Variants in RHOBTB3 observed in about 807,000 individuals in gnomAD.
RHOBTB3 encodes the protein Rho related BTB domain containing 3.
In RHOBTB3, 47 loss-of-function variants were observed where a neutral mutation model predicts 67.2. The observed-to-expected ratio is 0.70, with a 90% CI of 0.55 to 0.89. The LOEUF (loss-of-function observed/expected upper bound fraction) is 0.89, where lower values mean the gene tolerates loss of function less well. Ranked by LOEUF, RHOBTB3 falls within the 40% of genes least tolerant of loss-of-function variation. The pLI is 0.00. For missense variants in RHOBTB3, 631 were observed against 750.0 expected, an observed-to-expected ratio of 0.84 and a Z score of 1.85; for synonymous variants, 273 against 274.2, an observed-to-expected ratio of 1.00 and a Z score of 0.04.
Position 95,792,311 on chromosome 5 carries a change from C to T in RHOBTB3, c.1721-748C>T, listed in dbSNP as rs566772445. Among the ~76,000 whole-genome samples, 5 of 147,116 alleles carry T rather than the reference C, an allele frequency of 3.4e-5. No individual in the cohort carries two copies. In the East Asian group the frequency reaches 6.2e-4, roughly 18 times the overall value. On this transcript the variant is annotated intron_variant, in intron 11 of 11. Transcript: ENST00000379982. ...CTGAGGCAGGAGAATGGCGTGAACC[C>T]GGAAGGCAGAGCTTGCAGTGAGTCC...
chr5:95,747,141 C>T (rs915170235), intron 3 of RHOBTB3, among the ~76,000 whole-genome samples: 34 of 152,082 alleles, frequency 2.2e-4, no homozygotes, highest in Non-Finnish European at 4.1e-4. Flanking sequence ...CCAAGTTATC[C>T]CTGCTCCAGG....
At chr5:95,718,478 T>G (rs1754755291) in intron 1 of RHOBTB3, among the ~76,000 whole-genome samples, 1 of 152,218 alleles carries the variant, frequency 6.6e-6, no homozygotes, top group Non-Finnish European at 1.5e-5. Flanking sequence ...GTTCCCCAGC[T>G]GATGCCTCCG....
chr5:95,729,914 A>T (rs1020520024), upstream of RHOBTB3, among the ~76,000 whole-genome samples: 2 of 152,074 alleles, frequency 1.3e-5, no homozygotes, highest in Non-Finnish European at 2.9e-5. Context: ...CCATTCATCC[A>T]TTCTAGTGTC....
chr5:95,743,417 G>A (rs569330576), intron 3 of RHOBTB3, among the ~76,000 whole-genome samples: 12 of 152,016 alleles, frequency 7.9e-5, no homozygotes, highest in Admixed American at 3.3e-4. Flanking sequence ...CCTTTGGGCC[G>A]CCTCCTCCTT....
rs1241519288 is a variant in RHOBTB3 at position 95,770,258 on chromosome 5, AAGAC to A, written c.1282+2096_1282+2099del. The A allele has an allele frequency of 4.0e-5, 12 of 299,150 alleles. No homozygotes were observed. In the East Asian group the frequency reaches 7.0e-4, roughly 17 times the overall value. The allele number at this position is 299,150 out of a possible 1,614,324, so 18.5% of individuals were successfully genotyped here. On this transcript the variant is annotated intron_variant, in intron 8 of 11. Transcript: ENST00000379982. Reference sequence around the variant, plus strand: ...AGTGATGTCAAAACTAATGAAAAGAAAGACAGAGTTACAGATGCCCTTAATGCTA... The same window carrying A: ...AGTGATGTCAAAACTAATGAAAAGAAAGAGTTACAGATGCCCTTAATGCTA...
chr5:95,717,959 T>G (rs1351767722), intron 1 of RHOBTB3, among the ~76,000 whole-genome samples: 2 of 152,162 alleles, frequency 1.3e-5, no homozygotes, highest in Non-Finnish European at 2.9e-5. Flanking sequence ...AATTTAAAAG[T>G]TTAAAGAAGA....
chr5:95,769,301 T>A (rs1561451201), intron 8 of RHOBTB3: 2 of 470,102 alleles, frequency 4.3e-6, no homozygotes, highest in East Asian at 5.9e-5. Flanking sequence ...AACACTAAGA[T>A]GTTGCCAGTA....
At chr5:95,728,070 C>T (rs1249094250), upstream of RHOBTB3, among the ~76,000 whole-genome samples, 2 of 152,180 alleles carry the variant, frequency 1.3e-5, no homozygotes, top group East Asian at 1.9e-4. Context: ...GATCATATTC[C>T]GTTGATGAGA....
intron 11 of RHOBTB3, among the ~76,000 whole-genome samples, chr5:95,790,021 A>G (rs1269555542): frequency 6.6e-6 from 1 of 152,182 alleles, no homozygotes; most frequent in African/African-American, 2.4e-5. Context: ...TCTTGTTTTT[A>G]TTCAGCTACT....
intron 1 of RHOBTB3, among the ~76,000 whole-genome samples, chr5:95,723,034 CAT>C (rs1253872496): frequency 6.6e-6 from 1 of 152,044 alleles, no homozygotes; most frequent in African/African-American, 2.4e-5. Context: ...AAGAAACAAA[CAT>C]AGACATTTTC....
Position 95,732,074 on chromosome 5 carries a change from G to A in RHOBTB3, c.218G>A (p.Cys73Tyr), listed in dbSNP as rs1299213441. 1 of 1,614,120 alleles carries A rather than the reference G, an allele frequency of 6.2e-7. No individual in the cohort carries two copies. Among genetic ancestry groups the A allele is most frequent in the South Asian group, 1.1e-5 (1 of 91,078 alleles). Residue 73 changes from cysteine (C) to tyrosine (Y), a missense_variant, in exon 2 of 12, where the codon TGT becomes TAT. Cys to Tyr is a radical substitution (Grantham distance 194). Transcript: ENST00000379982. ...FGNVKLVVHD[C>Y]PVWDIFDSDW... The stretch of plus-strand genomic sequence containing the variant: ...AATGTCAAGCTGGTGGTCCACGACT[G>A]TCCCGTCTGGGTAAGGAAGAGCAGC...
chr5:95,723,687 C>T (rs1443669269), intron 1 of RHOBTB3, among the ~76,000 whole-genome samples: 1 of 152,142 alleles, frequency 6.6e-6, no homozygotes, highest in African/African-American at 2.4e-5. Context: ...AGTGAGTCTG[C>T]AGCTTATCTG....
chr5:95,765,439 T>C (rs1745515109), intron 7 of RHOBTB3, among the ~76,000 whole-genome samples: 3 of 152,314 alleles, frequency 2.0e-5, no homozygotes, highest in Middle Eastern at 3.4e-3. Context: ...AGAAGAGTTA[T>C]TTCACACCTT....
At chr5:95,738,903 A>G (rs1310654029) in intron 3 of RHOBTB3, among the ~76,000 whole-genome samples, 1 of 152,100 alleles carries the variant, frequency 6.6e-6, no homozygotes, top group Non-Finnish European at 1.5e-5. Context: ...TCCATTTAAT[A>G]AAGCTACTGG....
chr5:95,742,017 A>G (rs1414460778), intron 3 of RHOBTB3, among the ~76,000 whole-genome samples: 5 of 152,070 alleles, frequency 3.3e-5, no homozygotes, highest in African/African-American at 1.2e-4. Context: ...GCTACCTCTA[A>G]TCAGTTTTTA....
At chr5:95,727,631 C>T (rs542691846), upstream of RHOBTB3, among the ~76,000 whole-genome samples, 15 of 152,260 alleles carry the variant, frequency 9.9e-5, no homozygotes, top group South Asian at 6.2e-4. Flanking sequence ...GTTCTGTTAA[C>T]ACTGGTAAAA....
At chr5:95,784,975 ACTTC>A (rs1194124070) in intron 10 of RHOBTB3, among the ~76,000 whole-genome samples, 1 of 152,134 alleles carries the variant, frequency 6.6e-6, no homozygotes, top group African/African-American at 2.4e-5. Flanking sequence ...GAGTGTCAGT[ACTTC>A]TTGAACTATT....
intron 10 of RHOBTB3, among the ~76,000 whole-genome samples, chr5:95,786,000 A>G (rs1561457239): frequency 6.6e-6 from 1 of 152,128 alleles, no homozygotes; most frequent in Non-Finnish European, 1.5e-5. Context: ...GATTATCCTT[A>G]TCTTTTCCCC....
intron 8 of RHOBTB3, chr5:95,770,791 A>G (rs1455039223): frequency 5.5e-6 from 1 of 183,184 alleles, no homozygotes; most frequent in Non-Finnish European, 1.2e-5. Flanking sequence ...CAGAGAAGTC[A>G]TTTGAAGAAA....
Sources: allele counts gnomAD v4.1 joint callset (sites outside exome capture counted in the v4.1 genomes callset), GRCh38; gene constraint gnomAD v4.1.1; transcripts MANE v1.5; gene names NCBI Gene and HGNC (gene_info 2026-07-23, HGNC 2026-07-21).